The following CUX1 variants were observed in gnomAD, a reference collection of about 807,000 sequenced individuals.
CUX1 encodes the protein protein CASP.
In CUX1, 31 loss-of-function variants were observed where a neutral mutation model predicts 158.8. That is an observed-to-expected ratio of 0.20 (90% CI 0.15 to 0.26). The LOEUF (loss-of-function observed/expected upper bound fraction) is 0.26, where lower values mean the gene tolerates loss of function less well. Ranked by LOEUF, CUX1 falls within the 10% of genes least tolerant of loss-of-function variation. The probability of loss-of-function intolerance (pLI) is 1.00; values close to 1 mark genes in which losing one functional copy is unlikely to be tolerated. For synonymous variants in CUX1, 879 were observed against 862.1 expected, an observed-to-expected ratio of 1.02 and a Z score of -0.34; for missense variants, 1,589 against 2,014.6, an observed-to-expected ratio of 0.79 and a Z score of 4.04.
At chr7:102,110,516 T>C (rs1241822122) in intron 6 of CUX1, among the ~76,000 whole-genome samples, 1 of 152,222 alleles carries the variant, frequency 6.6e-6, no homozygotes, top group African/African-American at 2.4e-5. Context: ...TACGCTGTAG[T>C]GTGTTATGTA....
chr7:101,837,756 G>A (rs561159806), intron 1 of CUX1, among the ~76,000 whole-genome samples: 251 of 147,396 alleles, frequency 1.7e-3, no homozygotes, highest in Non-Finnish European at 3.1e-3. Context: ...ACTTGAAGCC[G>A]GGAGGTCGAA....
rs372821054 is a variant in CUX1, at chr7:102,197,319, G to A, written c.1894+14G>A. 1.4e-5 allele frequency: 22 copies of A among 1,605,924 alleles called. No individual in the cohort carries two copies. The highest frequency in any genetic ancestry group is 1.0e-4 in the Admixed American group (6 of 59,876). ...GCAGACAAAGAGGTGAGAGACTGGC[G>A]TTGGGTGGCGCCAGCGTGCGAGCCC... On this transcript the variant is annotated intron_variant, in intron 15 of 23. Coordinates refer to ENST00000292535, the MANE Select transcript of CUX1 (RefSeq NM_181552.4).
At chr7:101,902,759 T>G (rs1452077947) in intron 1 of CUX1, among the ~76,000 whole-genome samples, 2 of 152,218 alleles carry the variant, frequency 1.3e-5, no homozygotes, top group African/African-American at 4.8e-5. Flanking sequence ...AATTAATATC[T>G]TAGCCATCAA....
intron 22 of CUX1, among the ~76,000 whole-genome samples, chr7:102,236,541 G>T (rs558599573): frequency 6.6e-6 from 1 of 152,168 alleles, no homozygotes; most frequent in Non-Finnish European, 1.5e-5. Flanking sequence ...CTCCCAAAGC[G>T]CTGGGATTAC....
chr7:101,974,787 G>A (rs1812435951), intron 2 of CUX1, among the ~76,000 whole-genome samples: 1 of 152,110 alleles, frequency 6.6e-6, no homozygotes, highest in Non-Finnish European at 1.5e-5. Flanking sequence ...GGAATTATTT[G>A]TGCGTTGTAT....
rs576158057 is a variant in CUX1, at chr7:102,028,742, C to T, written c.189+597C>T. Among the ~76,000 whole-genome samples, 11 of 152,322 alleles carry T rather than the reference C, an allele frequency of 7.2e-5. No homozygotes were observed. The South Asian group carries it at 1.7e-3, about 23-fold the overall frequency. On this transcript the variant is annotated intron_variant, in intron 3 of 23. Transcript: ENST00000292535. Reference sequence around the variant, plus strand: ...GACATCCGCCCTGGCTACCTGTTAGCGGGAACAGCAGCCATAGAGGGGACT... The same window carrying T: ...GACATCCGCCCTGGCTACCTGTTAGTGGGAACAGCAGCCATAGAGGGGACT...
At chr7:102,061,115 G>A (rs1248923634) in intron 3 of CUX1, among the ~76,000 whole-genome samples, 1 of 151,842 alleles carries the variant, frequency 6.6e-6, no homozygotes, top group African/African-American at 2.4e-5. Context: ...AATAGAGACA[G>A]GTTTCACCAT....
At chr7:102,035,257 A>G (rs746776945) in intron 3 of CUX1, among the ~76,000 whole-genome samples, 1 of 152,160 alleles carries the variant, frequency 6.6e-6, no homozygotes, top group African/African-American at 2.4e-5. Context: ...CTGTACTTTG[A>G]GTACCCATAC....
chr7:102,131,504 A>AG (rs1344413719), intron 8 of CUX1, among the ~76,000 whole-genome samples: 3 of 151,892 alleles, frequency 2.0e-5, no homozygotes, highest in Non-Finnish European at 2.9e-5. Flanking sequence ...AAAAAAAAAA[A>AG]AAAAGTTTGA....
intron 17 of CUX1, among the ~76,000 whole-genome samples, chr7:102,276,685 C>G (rs1586528358): frequency 6.6e-6 from 1 of 152,166 alleles, no homozygotes; most frequent in Non-Finnish European, 1.5e-5. Context: ...TTCACGTTGC[C>G]TTTAGATTGG....
At chr7:101,868,968 C>A (rs1428367274) in intron 1 of CUX1, among the ~76,000 whole-genome samples, 1 of 152,190 alleles carries the variant, frequency 6.6e-6, no homozygotes, top group African/African-American at 2.4e-5. Context: ...GGAGAGGCCC[C>A]TGGATGCCAG....
chr7:101,993,998 C>T (rs1815486191), intron 2 of CUX1, among the ~76,000 whole-genome samples: 1 of 152,200 alleles, frequency 6.6e-6, no homozygotes, highest in African/African-American at 2.4e-5. Context: ...CGTAGCACTC[C>T]CAGAGCCCAT....
chr7:101,878,282 G>A (rs571071936), intron 1 of CUX1, among the ~76,000 whole-genome samples: 3 of 152,264 alleles, frequency 2.0e-5, no homozygotes, highest in South Asian at 2.1e-4. Context: ...TTGGAATAAC[G>A]CCACTTCCTT....
At chr7:101,885,058 A>G (rs1030494158) in intron 1 of CUX1, among the ~76,000 whole-genome samples, 1 of 152,150 alleles carries the variant, frequency 6.6e-6, no homozygotes, top group South Asian at 2.1e-4. Flanking sequence ...TGATTTGCAT[A>G]TAGCGGAAAT....
At chr7:101,900,756 GA>G (rs202025014) in intron 1 of CUX1, among the ~76,000 whole-genome samples, 1 of 147,576 alleles carries the variant, frequency 6.8e-6, no homozygotes, top group Admixed American at 6.7e-5. Context: ...TTCAGAAGAA[GA>G]AAAAAAAAAG....
chr7:102,103,908 T>G (rs1369698019), intron 5 of CUX1, among the ~76,000 whole-genome samples: 1 of 152,178 alleles, frequency 6.6e-6, no homozygotes, highest in Non-Finnish European at 1.5e-5. Flanking sequence ...CGATTGCTTC[T>G]TCCAAAATGC....
At chr7:102,191,165 G>A (rs899904402) in intron 12 of CUX1, among the ~76,000 whole-genome samples, 18 of 152,060 alleles carry the variant, frequency 1.2e-4, no homozygotes, top group Non-Finnish European at 1.9e-4. Context: ...AGCCTCTGCC[G>A]GCACCTCCTC....
At chr7:101,843,310 T>C (rs918740827) in intron 1 of CUX1, among the ~76,000 whole-genome samples, 2 of 152,234 alleles carry the variant, frequency 1.3e-5, no homozygotes, top group Non-Finnish European at 2.9e-5. Context: ...AAAACCCAGG[T>C]TGAGAATCTT....
At chr7:102,078,020 G>C (rs543507766) in intron 4 of CUX1, among the ~76,000 whole-genome samples, 47 of 152,246 alleles carry the variant, frequency 3.1e-4, no homozygotes, top group Non-Finnish European at 4.4e-4. Context: ...ACTAGTTGTA[G>C]GGTAAAACAC....
Sources: gnomAD v4.1 joint callset for allele counts (sites outside exome capture counted in the v4.1 genomes callset) on GRCh38, gnomAD v4.1.1 for gene constraint, MANE v1.5 for transcripts, NCBI Gene and HGNC (gene_info 2026-07-23, HGNC 2026-07-21) for gene names.